Variants in TASOR2 observed in about 807,000 individuals in gnomAD.
TASOR2 encodes the protein protein TASOR 2.
In TASOR2, 84 loss-of-function variants were observed where a neutral mutation model predicts 199.5. The ratio of observed to expected loss-of-function variants is 0.42; its 90% CI spans 0.35 to 0.50. The LOEUF is 0.50. Ranked by LOEUF, TASOR2 falls within the 20% of genes least tolerant of loss-of-function variation. The probability of loss-of-function intolerance (pLI) is 0.02; values close to 1 mark genes in which losing one functional copy is unlikely to be tolerated. For missense variants in TASOR2, 2,796 were observed against 2,835.9 expected (o/e 0.99, Z 0.32); for synonymous variants, 1,103 against 1,046.6 (o/e 1.05, Z -1.04).
Position 5,719,418 on chromosome 10 carries a change from C to G in TASOR2, c.-99-1126C>G, listed in dbSNP as rs990259017. 7.2e-5 allele frequency among the ~76,000 whole-genome samples: 11 copies of G among 152,148 alleles called. No homozygotes were observed. The highest frequency in any genetic ancestry group is 1.5e-5 in the Non-Finnish European group (1 of 68,034). ...AGTGTAGTGACACAATCTCAGCTCA[C>G]TGCAACCTCCACCTCCCGGGTTCAA... On this transcript the variant is annotated intron_variant, in intron 3 of 20. Transcript: ENST00000328090. The surrounding 1 kb of genome is among the most constrained non-coding windows in gnomAD (Gnocchi z 4.1).
chr10:5,733,930 A>G (rs1461713979), intron 11 of TASOR2, among the ~76,000 whole-genome samples: 1 of 152,228 alleles, frequency 6.6e-6, no homozygotes, highest in African/African-American at 2.4e-5. Context: ...CTTGAAATGT[A>G]CAGCATTAAG....
At chr10:5,723,172 C>T (rs1269037310) in intron 6 of TASOR2, among the ~76,000 whole-genome samples, 1 of 150,312 alleles carries the variant, frequency 6.7e-6, no homozygotes, top group African/African-American at 2.4e-5. Context: ...CTGCCTCAGC[C>T]TCCCGAGTAG....
chr10:5,723,202 C>T (rs932515078), intron 6 of TASOR2, among the ~76,000 whole-genome samples: 4 of 151,338 alleles, frequency 2.6e-5, no homozygotes, highest in Admixed American at 2.6e-4. Context: ...ACTACAGGCG[C>T]CCACCACCAC....
chr10:5,763,107 A>G (rs762903896), exon 21 of TASOR2: 35 of 1,385,750 alleles, frequency 2.5e-5, no homozygotes, highest in Admixed American at 2.1e-4. Context: ...ACTTGTGAAC[A>G]TGTGAATACA....
At chr10:5,724,385 A>G (rs1470430375) in intron 7 of TASOR2, 45 bp from the exon 9 acceptor site, 1 of 930,272 alleles carries the variant, frequency 1.1e-6, no homozygotes. Flanking sequence ...TAAGTACATA[A>G]TAGCGTATTA....
rs1753710864 is a variant in TASOR2, at chr10:5,748,352, C to T, written c.4931C>T (p.Ala1644Val). The T allele has an allele frequency of 6.2e-7, 1 of 1,614,120 alleles. No homozygotes were observed. The highest frequency in any genetic ancestry group is 1.3e-5 in the African/African-American group (1 of 74,944). ...TTGACAGCTGCCTCGGTTGATGGAG[C>T]TTATTCTACACAGGGATGCATGTGC... The change falls in exon 15 of 21, where the codon GCT (alanine) becomes GTT (valine). Residue 1644 changes from alanine to valine, a missense_variant. By Grantham distance (64) the Ala-to-Val change is moderately conservative (BLOSUM62 0). This residue lies in a region of TASOR2 where 1,941 missense variants were observed against 1,924.9 expected (regional missense o/e 1.01). Transcript: ENST00000328090. This position sits in a 1 kb window ranked among gnomAD's most constrained non-coding sequence, Gnocchi z 5.1.
rs1453209371 is a variant in TASOR2 at position 5,731,079 on chromosome 10, G to A, written c.1080G>A (p.Gln360=). 3 of 1,613,928 alleles carry A rather than the reference G, an allele frequency of 1.9e-6. No homozygotes were observed. The African/African-American group carries it at 4.0e-5, about 22-fold the overall frequency. Residue 360 remains glutamine, a synonymous_variant, in exon 11 of 21, where the codon CAG becomes CAA. Transcript: ENST00000328090. ...AGGCCAGCATGCCCCACATGGTGCA[G>A]AGTAAAAAGGTGAACTTGTGCCGCC...
Position 5,720,788 on chromosome 10 carries a change from C to G in TASOR2, c.46+14C>G, listed in dbSNP as rs1360504348. ...GCAGTGAAAATGGTAAGAAATAGTT[C>G]ATTGATTCTTTTAGGTTTTTTTTTT... On this transcript the variant is annotated intron_variant, in intron 5 of 20. Transcript: ENST00000328090. The surrounding 1 kb of genome is among the most constrained non-coding windows in gnomAD (Gnocchi z 5.3). The G allele has an allele frequency of 1.2e-6, 2 of 1,606,280 alleles. No individual in the cohort carries two copies. The highest frequency in any genetic ancestry group is 1.7e-5 in the Admixed American group (1 of 58,618).
intron 1 of TASOR2, among the ~76,000 whole-genome samples, chr10:5,688,511 A>G (rs1836053699): frequency 6.9e-6 from 1 of 144,542 alleles, no homozygotes; most frequent in South Asian, 2.1e-4. Flanking sequence ...CACTGGGACT[A>G]TAACATCCAG....
Position 5,706,546 on chromosome 10 carries a change from A to G in TASOR2, c.-287-6277A>G, listed in dbSNP as rs892607670. The stretch of plus-strand genomic sequence containing the variant: ...TCAAAACAGACAAAATCTTTGATCT[A>G]TCTTTATCCAGAGGATATTGTTAGT... On this transcript the variant is annotated intron_variant, in intron 1 of 20. Coordinates refer to ENST00000328090, the Ensembl canonical transcript of TASOR2. The surrounding 1 kb of genome is among the most constrained non-coding windows in gnomAD (Gnocchi z 4.8). Among the ~76,000 whole-genome samples, 20 of 152,354 alleles carry G rather than the reference A, an allele frequency of 1.3e-4. No homozygotes were observed. The highest frequency in any genetic ancestry group is 4.1e-4 in the African/African-American group (17 of 41,574).
chr10:5,739,114 CTAA>C (rs1397567411), intron 12 of TASOR2, among the ~76,000 whole-genome samples: 1 of 152,166 alleles, frequency 6.6e-6, no homozygotes, highest in African/African-American at 2.4e-5. Context: ...GGTAGTTTCT[CTAA>C]TAAATCGCTT....
chr10:5,712,601 A>T, intron 1 of TASOR2: 1 of 1,212,384 alleles, frequency 8.2e-7, no homozygotes, highest in Non-Finnish European at 1.0e-6. Context: ...TAAACCCATC[A>T]TTTTTGGTAT....
rs1837905063 is a variant in TASOR2 at position 5,750,654 on chromosome 10, G to A, written c.6606+627G>A. ...GTTTTTAATTTCAAATTTACATAAA[G>A]GTTGCAGAAATAGTACCCTTTACCC... On this transcript the variant is annotated intron_variant, in intron 15 of 20. Transcript: ENST00000328090. This position sits in a 1 kb window ranked among gnomAD's most constrained non-coding sequence, Gnocchi z 5.4. Among the ~76,000 whole-genome samples the A allele has an allele frequency of 6.6e-6, 1 of 152,120 alleles. No homozygotes were observed. The highest frequency in any genetic ancestry group is 6.5e-5 in the Admixed American group (1 of 15,272).
At chr10:5,762,500 A>T (rs763416975) in intron 19 of TASOR2, 32 bp from the exon 21 acceptor site, 5 of 577,672 alleles carry the variant, frequency 8.7e-6, no homozygotes, top group Non-Finnish European at 1.3e-5. Context: ...TAATTATATT[A>T]ACCAAAAGTT....
In TASOR2 at chr10:5,752,083, C is replaced by T. The variant is rs7921582; in HGVS notation, c.6606+2056C>T. On this transcript the variant is annotated intron_variant, in intron 15 of 20. Coordinates refer to ENST00000328090, the Ensembl canonical transcript of TASOR2. The surrounding 1 kb of genome is among the most constrained non-coding windows in gnomAD (Gnocchi z 4.4). ...CTCCCGAAACTCCCTGACCTGAGCG[C>T]GGGCCAGCTGCCCTCCCCCTACCCT... 0.014 allele frequency among the ~76,000 whole-genome samples: 2,189 copies of T among 152,152 alleles called. 17 individuals are homozygous for T. The highest frequency in any genetic ancestry group is 0.041 in the Middle Eastern group (12 of 294).
rs2275773 is a variant in TASOR2 at position 5,757,339 on chromosome 10, T to C, written c.6733-181T>C. ...CTAATTTTGTTGAGTTTGCAGCCCC[T>C]GGTGATGATGAGCTCAGTTAATATG... is the stretch of plus-strand genomic sequence containing the variant. On this transcript the variant is annotated intron_variant, in intron 16 of 20. Coordinates refer to ENST00000328090, the Ensembl canonical transcript of TASOR2. Among the ~76,000 whole-genome samples the C allele has an allele frequency of 7.9e-5, 12 of 152,316 alleles. No homozygotes were observed. The East Asian group carries it at 2.1e-3, about 27-fold the overall frequency.
intron 15 of TASOR2, among the ~76,000 whole-genome samples, chr10:5,756,281 C>G (rs1838934650): frequency 6.6e-6 from 1 of 152,178 alleles, no homozygotes; most frequent in Admixed American, 6.5e-5. Flanking sequence ...GCTTTAACTA[C>G]AGGTAGCATT....
Position 5,751,461 on chromosome 10 carries a change from G to A in TASOR2, c.6606+1434G>A, listed in dbSNP as rs1838027261. On this transcript the variant is annotated intron_variant, in intron 15 of 20. Transcript: ENST00000328090. This position sits in a 1 kb window ranked among gnomAD's most constrained non-coding sequence, Gnocchi z 5.3. ...ATCACTATGGACCATGGCACATTTTGTTTTACTTAAAGGGTTATCATCTGT... is the reference window on the plus strand; with the variant it reads ...ATCACTATGGACCATGGCACATTTTATTTTACTTAAAGGGTTATCATCTGT... Among the ~76,000 whole-genome samples the A allele has an allele frequency of 6.6e-6, 1 of 152,138 alleles. No individual in the cohort carries two copies. The highest frequency in any genetic ancestry group is 1.5e-5 in the Non-Finnish European group (1 of 68,016).
chr10:5,739,551 T>C (rs1212389473), intron 12 of TASOR2, 67 bp from the exon 14 acceptor site: 32 of 1,426,022 alleles, frequency 2.2e-5, no homozygotes, highest in African/African-American at 2.9e-5. Flanking sequence ...ACCATCATAG[T>C]AATATGGCAG....
Sources: gnomAD v4.1 joint callset for allele counts (sites outside exome capture counted in the v4.1 genomes callset) on GRCh38, gnomAD v4.1.1 for gene constraint, gnomAD v4.1.1 regional missense constraint, Gnocchi (gnomAD v3.1) non-coding constraint, MANE v1.5 for transcripts, NCBI Gene and HGNC (gene_info 2026-07-23, HGNC 2026-07-21) for gene names.